SLC17A5: variants seen among roughly 807,000 people sequenced by gnomAD.
The protein encoded by SLC17A5 is solute carrier family 17 member 5, also known as sialin.
In SLC17A5, 47 loss-of-function variants were observed where a neutral mutation model predicts 59.4. That is an observed-to-expected ratio of 0.79 (90% CI 0.63 to 1.01). SLC17A5 has a LOEUF of 1.01. SLC17A5 is among the 50% of genes least tolerant of loss of function. The probability of loss-of-function intolerance (pLI) is 0.00; values close to 1 mark genes in which losing one functional copy is unlikely to be tolerated. For missense variants in SLC17A5, 522 were observed against 595.5 expected, an observed-to-expected ratio of 0.88 and a Z score of 1.28; for synonymous variants, 202 against 210.7, an observed-to-expected ratio of 0.96 and a Z score of 0.36.
At chr6:73,616,580 C>CACACACACACACACA (rs60454712) in intron 7 of SLC17A5, among the ~76,000 whole-genome samples, 24 of 100,154 alleles carry the variant, frequency 2.4e-4, no homozygotes, top group African/African-American at 5.5e-4. Flanking sequence ...CACACACACA[C>CACACACACACACACA]GTTTATTTTT....
At chr6:73,651,015 CAGA>C (rs1334302506) in intron 1 of SLC17A5, among the ~76,000 whole-genome samples, 2 of 151,992 alleles carry the variant, frequency 1.3e-5, no homozygotes, top group South Asian at 4.2e-4. Flanking sequence ...ATCAGGAGGG[CAGA>C]AGATGTTAAA....
intron 9 of SLC17A5, among the ~76,000 whole-genome samples, chr6:73,601,608 C>T (rs533739920): frequency 0.014 from 1,153 of 82,024 alleles, 60 homozygotes; most frequent in African/African-American, 0.064. Flanking sequence ...CCCTGCTGCC[C>T]GGCCAGCCGC....
intron 10 of SLC17A5, among the ~76,000 whole-genome samples, chr6:73,599,731 C>G (rs957983895): frequency 3.9e-5 from 6 of 152,062 alleles, no homozygotes; most frequent in African/African-American, 1.4e-4. Flanking sequence ...GAAGTAGGAA[C>G]ACTATCTGTC....
At chr6:73,638,153 A>G (rs1288283061) in intron 4 of SLC17A5, among the ~76,000 whole-genome samples, 2 of 152,214 alleles carry the variant, frequency 1.3e-5, no homozygotes, top group Admixed American at 6.5e-5. Context: ...GCATCTCTAT[A>G]CCAATATCTG....
intron 8 of SLC17A5, among the ~76,000 whole-genome samples, chr6:73,612,686 C>T (rs1767684087): frequency 6.6e-6 from 1 of 152,116 alleles, no homozygotes; most frequent in Non-Finnish European, 1.5e-5. Flanking sequence ...GAGATTTTCT[C>T]ACCTTAGCCT....
chr6:73,628,541 A>C (rs1357853336), intron 6 of SLC17A5, among the ~76,000 whole-genome samples: 2 of 152,196 alleles, frequency 1.3e-5, no homozygotes, highest in Non-Finnish European at 2.9e-5. Flanking sequence ...ACTGCTCTCC[A>C]GCTTGGGGAA....
rs569923587 is a variant in SLC17A5, at chr6:73,650,300, G to A, written c.94+3493C>T. Among the ~76,000 whole-genome samples the A allele has an allele frequency of 1.8e-3, 279 of 151,728 alleles. 2 individuals are homozygous for A. Among genetic ancestry groups the A allele is most frequent in the African/African-American group, 6.5e-3 (268 of 41,412 alleles). ...CGAGGCAGGTGGATCACGTGGTCAG[G>A]AGATCGAGACCATCCTGGCTAACAC... On this transcript the variant is annotated intron_variant, in intron 1 of 10. Transcript: ENST00000355773.
In SLC17A5 at chr6:73,593,893, C is replaced by T. The variant is rs1561981439; in HGVS notation, c.*1184G>A. ...CAGCCTGGGCGACAAAACGAGACCC[C>T]ATCTCTACAAAATACAAACGAACAA... is the stretch of plus-strand genomic sequence containing the variant. On this transcript the variant is annotated 3_prime_UTR_variant, in exon 11 of 11. Coordinates refer to ENST00000355773, the MANE Select transcript of SLC17A5 (RefSeq NM_012434.5). 1.3e-5 allele frequency: 2 copies of T among 152,216 alleles called. No homozygotes were observed. The highest frequency in any genetic ancestry group is 3.9e-4 in the East Asian group (2 of 5,174). The allele number at this position is 152,216 out of a possible 1,614,324, so 9.4% of individuals were successfully genotyped here. A position where few individuals can be genotyped will look rare whatever the true frequency, so the allele number is the denominator to read the frequency against.
Position 73,601,200 on chromosome 6 carries a change from G to A in SLC17A5, c.1260-759C>T, listed in dbSNP as rs527637842. Among the ~76,000 whole-genome samples, 491 of 149,206 alleles carry A rather than the reference G, an allele frequency of 3.3e-3. 3 individuals are homozygous for A. Among genetic ancestry groups the A allele is most frequent in the African/African-American group, 0.012 (463 of 40,234 alleles). ...GGGAGCGCCTCTGCCCCGCCGCCCC[G>A]TCTGGGATGTGAGGAGCGCCTCTGC... is the stretch of plus-strand genomic sequence containing the variant. On this transcript the variant is annotated intron_variant, in intron 9 of 10. Transcript: ENST00000355773.
intron 1 of SLC17A5, among the ~76,000 whole-genome samples, chr6:73,651,652 C>T (rs1377232304): frequency 6.6e-6 from 1 of 151,350 alleles, no homozygotes; most frequent in Non-Finnish European, 1.5e-5. Flanking sequence ...ACGCCATTCT[C>T]CTGCCTCAGC....
chr6:73,653,650 G>T, intron 1 of SLC17A5, 143 bp downstream of exon 1: 2 of 1,000,680 alleles, frequency 2.0e-6, no homozygotes, highest in Non-Finnish European at 2.9e-6. Flanking sequence ...CTCTGAACGG[G>T]CTCCCCTCTT....
intron 2 of SLC17A5, among the ~76,000 whole-genome samples, chr6:73,643,184 C>T (rs1051924067): frequency 8.6e-5 from 13 of 151,168 alleles, no homozygotes; most frequent in South Asian, 2.1e-4. Flanking sequence ...TTTTTTGAGA[C>T]GGAATCTCGC....
intron 9 of SLC17A5, among the ~76,000 whole-genome samples, chr6:73,606,091 G>A (rs1478537843): frequency 2.0e-5 from 3 of 151,902 alleles, no homozygotes; most frequent in Non-Finnish European, 4.4e-5. Flanking sequence ...AGCCCAGGCT[G>A]GAGTGCAGTA....
intron 9 of SLC17A5, among the ~76,000 whole-genome samples, chr6:73,601,829 C>A (rs1252793008): frequency 1.3e-5 from 2 of 148,850 alleles, no homozygotes; most frequent in Non-Finnish European, 3.0e-5. Flanking sequence ...GGGTCAGCCC[C>A]CTGCCCGGCC....
intron 9 of SLC17A5, among the ~76,000 whole-genome samples, chr6:73,601,852 C>T (rs1356707873): frequency 1.1e-4 from 17 of 150,578 alleles, no homozygotes; most frequent in Admixed American, 5.3e-4. Flanking sequence ...CCGCCCCGTC[C>T]GGGAGGTGAG....
intron 9 of SLC17A5, among the ~76,000 whole-genome samples, chr6:73,601,817 G>C (rs1442466135): frequency 6.8e-6 from 1 of 147,930 alleles, no homozygotes; most frequent in Non-Finnish European, 1.5e-5. Flanking sequence ...AGGGAGGTGG[G>C]GGGGTCAGCC....
chr6:73,653,958 C>T lies in SLC17A5; in HGVS notation c.-72G>A, dbSNP rs550366773. ...CGCCGGCCCGACAGCCCGAAGCCCC[C>T]GGGCCGAGCTGGCTGGACCGGGCGG... On this transcript the variant is annotated 5_prime_UTR_variant, in exon 1 of 11. Transcript: ENST00000355773. The T allele has an allele frequency of 2.3e-6, 3 of 1,330,230 alleles. No individual in the cohort carries two copies. Among genetic ancestry groups the T allele is most frequent in the South Asian group, 1.3e-5 (1 of 79,744 alleles). 82.4% of individuals were successfully genotyped at this position (1,330,230 alleles called of 1,614,324 possible).
At chr6:73,641,569 T>C in intron 3 of SLC17A5, 122 bp downstream of exon 3, 1 of 744,964 alleles carries the variant, frequency 1.3e-6, no homozygotes, top group East Asian at 2.5e-5. Flanking sequence ...CTCTAAAAAA[T>C]AAACCCCTGT....
At chr6:73,628,477 A>G (rs1379630005) in intron 6 of SLC17A5, among the ~76,000 whole-genome samples, 2 of 152,124 alleles carry the variant, frequency 1.3e-5, no homozygotes, top group African/African-American at 4.8e-5. Context: ...AGGCTGAGGC[A>G]TGAGAATCGC....
Sources: gnomAD v4.1 joint callset for allele counts (sites outside exome capture counted in the v4.1 genomes callset) on GRCh38, gnomAD v4.1.1 for gene constraint, MANE v1.5 for transcripts, NCBI Gene and HGNC (gene_info 2026-07-23, HGNC 2026-07-21) for gene names.